RAB31: variants seen among roughly 807,000 people sequenced by gnomAD.
The protein encoded by RAB31 is ras-related protein Rab-31.
In RAB31, 21 loss-of-function variants were observed where a neutral mutation model predicts 25.6. That is an observed-to-expected ratio of 0.82 (90% confidence interval 0.58 to 1.18). The LOEUF is 1.18. RAB31 is among the 50% of genes most tolerant of loss of function. The pLI, the probability that RAB31 is intolerant of heterozygous loss-of-function variation, is 0.00. For missense variants in RAB31, 196 were observed against 250.1 expected (o/e 0.78, Z 1.46); for synonymous variants, 87 against 84.0 (o/e 1.04, Z -0.20).
chr18:9,737,532 G>A (rs947433632), intron 1 of RAB31, among the ~76,000 whole-genome samples: 2 of 152,094 alleles, frequency 1.3e-5, no homozygotes, highest in South Asian at 2.1e-4. Flanking sequence ...GGTGTTGGGC[G>A]GGGAAATAAT....
chr18:9,820,333 G>C (rs2068618561), intron 5 of RAB31, among the ~76,000 whole-genome samples: 1 of 152,032 alleles, frequency 6.6e-6, no homozygotes, highest in Admixed American at 6.5e-5. Flanking sequence ...AACTAGTCTT[G>C]CATTGCTGGG....
intron 2 of RAB31, among the ~76,000 whole-genome samples, chr18:9,780,498 A>C (rs1454258932): frequency 6.6e-6 from 1 of 152,226 alleles, no homozygotes; most frequent in East Asian, 1.9e-4. Context: ...CTTTTCTTGT[A>C]TAAGTGTGTG....
rs2068594412 is a variant in RAB31 at position 9,815,136 on chromosome 18, G to A, written c.294G>A (p.Lys98=). ...TTTAGGATTCATTTTATACCTTGAA[G>A]AAATGGGTCAAGGAGCTGAAAGAAC... ...ITKQDSFYTL[K]KWVKELKEHG... Residue 98 remains lysine (K), a synonymous_variant, in exon 5 of 7, where the codon AAG becomes AAA. Coordinates refer to ENST00000578921, the MANE Select transcript of RAB31 (RefSeq NM_006868.4). The A allele has an allele frequency of 3.9e-6, 6 of 1,552,664 alleles. No individual in the cohort carries two copies. Among genetic ancestry groups the A allele is most frequent in the Admixed American group, 1.9e-5 (1 of 51,324 alleles).
intron 1 of RAB31, among the ~76,000 whole-genome samples, chr18:9,717,102 C>T (rs765142545): frequency 6.6e-6 from 1 of 151,728 alleles, no homozygotes; most frequent in Non-Finnish European, 1.5e-5. Flanking sequence ...TTTTTTGAGA[C>T]AGGGTCTTAC....
chr18:9,735,387 G>T, intron 1 of RAB31: 1 of 217,970 alleles, frequency 4.6e-6, no homozygotes, highest in South Asian at 7.9e-5. Flanking sequence ...TGTCAAAGTT[G>T]ACAGTTGGGC....
chr18:9,796,638 A>G (rs1486596875), intron 3 of RAB31, among the ~76,000 whole-genome samples: 1 of 152,106 alleles, frequency 6.6e-6, no homozygotes, highest in Non-Finnish European at 1.5e-5. Flanking sequence ...AATGACTTTA[A>G]ACTTCTTTCG....
chr18:9,708,456 C>T lies in RAB31; in HGVS notation c.39+12C>T. On this transcript the variant is annotated intron_variant, in intron 1 of 6. Coordinates refer to ENST00000578921, the MANE Select transcript of RAB31 (RefSeq NM_006868.4). The surrounding 1 kb of genome is among the most constrained non-coding windows in gnomAD (Gnocchi z 6.4). ...TGTGCCTTCTCGGGGTGAGTCCTGG[C>T]CGCCACCCGCCGGCGGACCCCGGCC... The T allele has an allele frequency of 1.9e-6, 3 of 1,556,602 alleles. No homozygotes were observed. Among genetic ancestry groups the T allele is most frequent in the Non-Finnish European group, 2.6e-6 (3 of 1,153,580 alleles).
intron 2 of RAB31, among the ~76,000 whole-genome samples, chr18:9,782,667 T>G (rs2068411135): frequency 6.6e-6 from 1 of 152,144 alleles, no homozygotes; most frequent in African/African-American, 2.4e-5. Context: ...TGGAGGGTAA[T>G]CTACACAGAA....
chr18:9,741,032 T>C (rs958217065), intron 1 of RAB31, among the ~76,000 whole-genome samples: 1 of 152,034 alleles, frequency 6.6e-6, no homozygotes, highest in Non-Finnish European at 1.5e-5. Flanking sequence ...AGGGGCTGCA[T>C]TGAGGCTGGT....
At chr18:9,752,368 G>T (rs1599024429) in intron 1 of RAB31, among the ~76,000 whole-genome samples, 1 of 152,246 alleles carries the variant, frequency 6.6e-6, no homozygotes, top group South Asian at 2.1e-4. Context: ...GGGATTACAG[G>T]TGCCTGCCAC....
rs531475972 is a variant in RAB31, at chr18:9,809,059, C to T, written c.202-4961C>T. On this transcript the variant is annotated intron_variant, in intron 3 of 6. Transcript: ENST00000578921. The stretch of plus-strand genomic sequence containing the variant: ...TGAGGGGTGTGTGTGTGTGTGTGCG[C>T]GCGCACGCGTGGGTGTGCGAGCACA... 9.2e-3 allele frequency among the ~76,000 whole-genome samples: 893 copies of T among 97,540 alleles called. 3 individuals carry two copies. The highest frequency in any genetic ancestry group is 0.016 in the Non-Finnish European group (634 of 40,722). The allele number at this position is 97,540 out of a possible 152,430, so 64.0% of individuals were successfully genotyped here. A position where few individuals can be genotyped will look rare whatever the true frequency, so the allele number is the denominator to read the frequency against.
chr18:9,757,794 G>A (rs1452299581), intron 1 of RAB31, among the ~76,000 whole-genome samples: 3 of 152,234 alleles, frequency 2.0e-5, no homozygotes, highest in East Asian at 3.8e-4. Flanking sequence ...GGCAGAGGGC[G>A]AGAGGCCCTC....
chr18:9,767,849 C>G (rs1182494519), intron 1 of RAB31, among the ~76,000 whole-genome samples: 1 of 152,088 alleles, frequency 6.6e-6, no homozygotes, highest in Non-Finnish European at 1.5e-5. Context: ...AGGTATTTCT[C>G]CTAATGCTAT....
chr18:9,856,506 A>G (rs2068816773), intron 6 of RAB31, among the ~76,000 whole-genome samples: 1 of 152,238 alleles, frequency 6.6e-6, no homozygotes, highest in African/African-American at 2.4e-5. Context: ...TTATGAAAAC[A>G]AGACATGAGG....
At chr18:9,767,788 A>T (rs1272451967) in intron 1 of RAB31, among the ~76,000 whole-genome samples, 1 of 152,050 alleles carries the variant, frequency 6.6e-6, no homozygotes, top group African/African-American at 2.4e-5. Context: ...GTTACATAGG[A>T]ATACACGTGC....
chr18:9,839,879 T>A (rs1362195854), intron 5 of RAB31, among the ~76,000 whole-genome samples: 1 of 152,154 alleles, frequency 6.6e-6, no homozygotes, highest in Non-Finnish European at 1.5e-5. Flanking sequence ...CTGAGCCTGA[T>A]TGGTCTCTTT....
Position 9,859,370 on chromosome 18 carries a change from A to T in RAB31, c.*45A>T. The T allele has an allele frequency of 6.5e-7, 1 of 1,528,374 alleles. No individual in the cohort carries two copies. Among genetic ancestry groups the T allele is most frequent in the Non-Finnish European group, 9.1e-7 (1 of 1,103,068 alleles). 94.7% of individuals were successfully genotyped at this position (1,528,374 alleles called of 1,614,324 possible). A position where few individuals can be genotyped will look rare whatever the true frequency, so the allele number is the denominator to read the frequency against. On this transcript the variant is annotated 3_prime_UTR_variant, in exon 7 of 7. Transcript: ENST00000578921. ...GGTACTTGAAGAAGCCAGAGCCCAC[A>T]TCCTGTGCACTGCTGAAGGACCCTA...
intron 5 of RAB31, among the ~76,000 whole-genome samples, chr18:9,844,269 A>G (rs748638780): frequency 1.3e-5 from 2 of 151,708 alleles, no homozygotes; most frequent in Non-Finnish European, 2.9e-5. Context: ...CATTCTCTCC[A>G]TTCGGGCCCG....
chr18:9,859,647 A>C lies in RAB31; in HGVS notation c.*322A>C, dbSNP rs1335240374. ...ATGTGTACAAAAGTCTTACTGCCTTATTATGTGTATGGGATTCTAAAGTGG... is the reference window on the plus strand; with the variant it reads ...ATGTGTACAAAAGTCTTACTGCCTTCTTATGTGTATGGGATTCTAAAGTGG... On this transcript the variant is annotated 3_prime_UTR_variant, in exon 7 of 7. Coordinates refer to ENST00000578921, the MANE Select transcript of RAB31 (RefSeq NM_006868.4). The C allele has an allele frequency of 4.9e-6, 1 of 204,102 alleles. No individual in the cohort carries two copies. The highest frequency in any genetic ancestry group is 2.3e-5 in the African/African-American group (1 of 42,932). 12.6% of individuals were successfully genotyped at this position (204,102 alleles called of 1,614,324 possible).
Sources: gnomAD v4.1 joint callset for allele counts (sites outside exome capture counted in the v4.1 genomes callset) on GRCh38, gnomAD v4.1.1 for gene constraint, Gnocchi (gnomAD v3.1) non-coding constraint, MANE v1.5 for transcripts, NCBI Gene and HGNC (gene_info 2026-07-23, HGNC 2026-07-21) for gene names.